The following EPDR1 variants were observed in gnomAD, a reference collection of about 807,000 sequenced individuals.
The protein encoded by EPDR1 is mammalian ependymin-related protein 1.
In EPDR1, 27 loss-of-function variants were observed where a neutral mutation model predicts 23.7. The observed-to-expected ratio is 1.14, with a 90% CI of 0.84 to 1.57. The LOEUF (loss-of-function observed/expected upper bound fraction) is 1.57. Ranked by LOEUF, EPDR1 falls within the 40% of genes most tolerant of loss-of-function variation. The pLI, the probability that EPDR1 is intolerant of heterozygous loss-of-function variation, is 0.00. For missense variants in EPDR1, 349 were observed against 290.4 expected (o/e 1.20, Z -1.47); for synonymous variants, 137 against 118.2 (o/e 1.16, Z -1.03).
chr7:37,924,048 A>G (rs1785768387), intron 1 of EPDR1, among the ~76,000 whole-genome samples: 1 of 152,186 alleles, frequency 6.6e-6, no homozygotes, highest in South Asian at 2.1e-4. Context: ...TTTGGGAACA[A>G]CCTTCGAGTA....
At chr7:37,929,665 A>G (rs182145644) in intron 1 of EPDR1, among the ~76,000 whole-genome samples, 14 of 152,312 alleles carry the variant, frequency 9.2e-5, no homozygotes, top group African/African-American at 3.4e-4. Context: ...TTTCATTTAT[A>G]TGTTACGTTA....
Position 37,920,649 on chromosome 7 carries a change from C to T in EPDR1, c.-291C>T. On this transcript the variant is annotated 5_prime_UTR_variant, in exon 1 of 3. Transcript: ENST00000199448. Reference sequence around the variant, plus strand: ...GTTGGCAGCAGTGAGCAGTGAAAACCGAAGCGGCAGAAGGCAGTGGCAGCA... The same window carrying T: ...GTTGGCAGCAGTGAGCAGTGAAAACTGAAGCGGCAGAAGGCAGTGGCAGCA... The T allele has an allele frequency of 6.4e-7, 1 of 1,571,330 alleles. No homozygotes were observed. The highest frequency in any genetic ancestry group is 8.7e-7 in the Non-Finnish European group (1 of 1,152,644).
chr7:37,949,066 C>T lies in EPDR1; in HGVS notation c.478+18C>T. On this transcript the variant is annotated intron_variant, in intron 2 of 2. Transcript: ENST00000199448. ...TAGATCCTGTAAGGGTTCAAAGAAT[C>T]TAAGCATTGTATTCAGCATGCATGA... 6.2e-7 allele frequency: 1 copy of T among 1,609,974 alleles called. No individual in the cohort carries two copies.
rs374318085 is a variant in EPDR1, at chr7:37,935,145, A to G, written c.270-13695A>G. ...GACTTGAGCATCTGTGAATTTTGGT[A>G]TCTACAGGGCTCCAATCTTCCATGG... On this transcript the variant is annotated intron_variant, in intron 1 of 2. Coordinates refer to ENST00000199448, the MANE Select transcript of EPDR1 (RefSeq NM_017549.5). Among the ~76,000 whole-genome samples, 57 of 152,308 alleles carry G rather than the reference A, an allele frequency of 3.7e-4. No homozygotes were observed. The South Asian group carries it at 0.01, about 28-fold the overall frequency.
intron 1 of EPDR1, among the ~76,000 whole-genome samples, chr7:37,948,418 A>G (rs1363767465): frequency 6.7e-6 from 1 of 150,352 alleles, no homozygotes; most frequent in Non-Finnish European, 1.5e-5. Context: ...ATCATGGCTC[A>G]CTGAAGCTTT....
Position 37,940,341 on chromosome 7 carries a change from G to A in EPDR1, c.270-8499G>A, listed in dbSNP as rs575789807. On this transcript the variant is annotated intron_variant, in intron 1 of 2. Transcript: ENST00000199448. ...GGATGGAAGGGGAACTTGCCTCAACGTACCATTTTCTGTCATTTTGAGTTT... is the reference window on the plus strand; with the variant it reads ...GGATGGAAGGGGAACTTGCCTCAACATACCATTTTCTGTCATTTTGAGTTT... Among the ~76,000 whole-genome samples, 38 of 152,226 alleles carry A rather than the reference G, an allele frequency of 2.5e-4. No homozygotes were observed. The South Asian group carries it at 5.4e-3, about 22-fold the overall frequency.
At chr7:37,939,511 A>G (rs967712776) in intron 1 of EPDR1, among the ~76,000 whole-genome samples, 1 of 152,200 alleles carries the variant, frequency 6.6e-6, no homozygotes, top group Non-Finnish European at 1.5e-5. Flanking sequence ...TAATTTTAGC[A>G]GAATGCATGT....
intron 1 of EPDR1, among the ~76,000 whole-genome samples, chr7:37,923,857 A>G (rs1229151205): frequency 6.6e-6 from 1 of 152,200 alleles, no homozygotes; most frequent in Non-Finnish European, 1.5e-5. Context: ...AAATGAGCTC[A>G]AGTGTATAAA....
intron 1 of EPDR1, among the ~76,000 whole-genome samples, chr7:37,938,286 A>T (rs539663419): frequency 6.6e-6 from 1 of 152,048 alleles, no homozygotes; most frequent in Non-Finnish European, 1.5e-5. Flanking sequence ...CACCACACCC[A>T]GTGCCTTTAA....
At chr7:37,938,150 C>T (rs1183985391) in intron 1 of EPDR1, among the ~76,000 whole-genome samples, 2 of 151,794 alleles carry the variant, frequency 1.3e-5, no homozygotes, top group African/African-American at 4.8e-5. Flanking sequence ...GCCACCATGC[C>T]TGGCTAATTT....
chr7:37,932,575 T>C (rs2132006580), intron 1 of EPDR1, among the ~76,000 whole-genome samples: 1 of 152,346 alleles, frequency 6.6e-6, no homozygotes, highest in South Asian at 2.1e-4. Context: ...AAATGTTAGC[T>C]GGAAGGGTTT....
At chr7:37,942,378 C>T (rs571028857) in intron 1 of EPDR1, among the ~76,000 whole-genome samples, 130 of 152,292 alleles carry the variant, frequency 8.5e-4, no homozygotes, top group Middle Eastern at 3.4e-3. Context: ...TGTGATTCCA[C>T]TTACATGAGC....
intron 1 of EPDR1, among the ~76,000 whole-genome samples, chr7:37,936,510 A>G (rs1230519246): frequency 6.6e-6 from 1 of 152,154 alleles, no homozygotes; most frequent in Non-Finnish European, 1.5e-5. Context: ...GTAAGGGATT[A>G]GAAAAGAAGA....
intron 1 of EPDR1, among the ~76,000 whole-genome samples, chr7:37,943,448 G>A (rs996590925): frequency 1.3e-5 from 2 of 152,198 alleles, no homozygotes; most frequent in African/African-American, 4.8e-5. Context: ...TCAGGCCACA[G>A]GCCCTGTATT....
chr7:37,950,322 C>T lies in EPDR1; in HGVS notation c.601C>T (p.Pro201Ser), dbSNP rs559272084. 10 of 1,613,850 alleles carry T rather than the reference C, an allele frequency of 6.2e-6. 2 individuals are homozygous for T. In the South Asian group the frequency reaches 8.8e-5, roughly 14 times the overall value. The change falls in exon 3 of 3, where the codon CCC becomes TCC. Residue 201 changes from proline to serine, a missense_variant. By Grantham distance (74) the Pro-to-Ser change is moderately conservative. Coordinates refer to ENST00000199448, the MANE Select transcript of EPDR1 (RefSeq NM_017549.5). The stretch of plus-strand genomic sequence containing the variant: ...TGACATCCAGCTGGGTATTAAAGAC[C>T]CCTCGGTGTTTACCCCTCCAAGCAC... The part of the protein sequence containing the change: ...FFDIQLGIKD[P>S]SVFTPPSTCQ...
At chr7:37,938,534 T>G (rs767716191) in intron 1 of EPDR1, among the ~76,000 whole-genome samples, 19 of 152,212 alleles carry the variant, frequency 1.2e-4, no homozygotes, top group Non-Finnish European at 1.9e-4. Context: ...GTTATCATTC[T>G]TTGGCTTTTC....
chr7:37,948,370 C>T lies in EPDR1; in HGVS notation c.270-470C>T, dbSNP rs188669483. On this transcript the variant is annotated intron_variant, in intron 1 of 2. Transcript: ENST00000199448. ...TTTTTTTTTTTTTTTTGATGGTGGA[C>T]GGGATCTCACCCAGGCTGTATGTAG... Among the ~76,000 whole-genome samples, 515 of 145,796 alleles carry T rather than the reference C, an allele frequency of 3.5e-3. 6 individuals are homozygous for T. The highest frequency in any genetic ancestry group is 0.012 in the African/African-American group (483 of 39,092).
In EPDR1 at chr7:37,920,723, T is replaced by A; in HGVS notation, c.-217T>A. The A allele has an allele frequency of 6.2e-7, 1 of 1,608,114 alleles. No individual in the cohort carries two copies. Among genetic ancestry groups the A allele is most frequent in the East Asian group, 2.2e-5 (1 of 44,550 alleles). On this transcript the variant is annotated 5_prime_UTR_variant, in exon 1 of 3. Coordinates refer to ENST00000199448, the MANE Select transcript of EPDR1 (RefSeq NM_017549.5). ...CAGGCAGAAATAGCTCCCGCGCGAT[T>A]CACTGGAGCCTTCCCCGGGCCCTGG... is the stretch of plus-strand genomic sequence containing the variant.
At chr7:37,931,668 G>A (rs1159283928) in intron 1 of EPDR1, among the ~76,000 whole-genome samples, 1 of 151,816 alleles carries the variant, frequency 6.6e-6, no homozygotes, top group Non-Finnish European at 1.5e-5. Context: ...GTAGTTTTAG[G>A]GGAACTTTGT....
Sources: allele counts gnomAD v4.1 joint callset (sites outside exome capture counted in the v4.1 genomes callset), GRCh38; gene constraint gnomAD v4.1.1; transcripts MANE v1.5; gene names NCBI Gene and HGNC (gene_info 2026-07-23, HGNC 2026-07-21).